PAICS: variants seen among roughly 807,000 people sequenced by gnomAD.
The protein encoded by PAICS is phosphoribosylaminoimidazole carboxylase and phosphoribosylaminoimidazolesuccinocarboxamide synthase, also known as bifunctional phosphoribosylaminoimidazole carboxylase/phosphoribosylaminoimidazole succinocarboxamide synthetase.
PAICS carries 33 observed loss-of-function variants against 53.7 expected under a neutral mutation model. The observed-to-expected ratio is 0.61, with a 90% confidence interval of 0.47 to 0.82. The LOEUF is 0.82. Among genes scored for constraint, PAICS ranks in the 40% least tolerant of loss-of-function variants. PAICS has a pLI of 0.00. For missense variants in PAICS, 394 were observed against 494.1 expected, an observed-to-expected ratio of 0.80 and a Z score of 1.92; for synonymous variants, 141 against 167.2, an observed-to-expected ratio of 0.84 and a Z score of 1.21.
At chr4:56,447,694 G>T (rs1718687070) in intron 3 of PAICS, among the ~76,000 whole-genome samples, 2 of 152,032 alleles carry the variant, frequency 1.3e-5, no homozygotes, top group South Asian at 2.1e-4. Context: ...GTTTATAGAG[G>T]TTAAATTCTT....
chr4:56,432,032 A>G (rs1218409167), upstream of PAICS, among the ~76,000 whole-genome samples: 1 of 152,246 alleles, frequency 6.6e-6, no homozygotes, highest in Non-Finnish European at 1.5e-5. Context: ...GGATGAACCC[A>G]TCTGGGTTAA....
chr4:56,424,127 T>C, the PAICS span, among the ~76,000 whole-genome samples: 2 of 152,202 alleles, frequency 1.3e-5, no homozygotes, highest in African/African-American at 4.8e-5. Flanking sequence ...AATAGCTCCA[T>C]ATTGTTAACT....
upstream of PAICS, chr4:56,435,540 T>C (rs1342932081): frequency 4.3e-6 from 7 of 1,609,594 alleles, no homozygotes; most frequent in Admixed American, 1.7e-5. Flanking sequence ...ACCAACCAGC[T>C]GCCAGCTCGG....
At chr4:56,421,858 G>C in the PAICS span, 5 of 152,252 alleles carry the variant, frequency 3.3e-5, no homozygotes, top group South Asian at 2.1e-4. Flanking sequence ...CTTAGTTAGA[G>C]ACTCAGATAC....
intron 8 of PAICS, among the ~76,000 whole-genome samples, chr4:56,458,778 C>T (rs988581898): frequency 6.6e-6 from 1 of 152,130 alleles, no homozygotes; most frequent in Non-Finnish European, 1.5e-5. Flanking sequence ...ATAGTACCAC[C>T]TCAAGACACT....
At chr4:56,436,073 T>G (rs2110075923), upstream of PAICS, 1 of 1,483,710 alleles carries the variant, frequency 6.7e-7, no homozygotes, top group Admixed American at 2.2e-5. Context: ...GGAGGCGGGG[T>G]CGCGTCTCTG....
At chr4:56,435,439 G>A, upstream of PAICS, 2 of 1,613,836 alleles carry the variant, frequency 1.2e-6, no homozygotes, top group Non-Finnish European at 1.7e-6. Context: ...ACCCGAACAC[G>A]CCACATTCCT....
chr4:56,451,743 G>T (rs1553942426), intron 6 of PAICS, 129 bp from the exon 7 acceptor site: 2 of 501,034 alleles, frequency 4.0e-6, no homozygotes, highest in Non-Finnish European at 7.0e-6. Context: ...TTTGTTGTTT[G>T]TCTCTGTCTT....
At chr4:56,430,643 C>T in the PAICS span, among the ~76,000 whole-genome samples, 7 of 151,400 alleles carry the variant, frequency 4.6e-5, no homozygotes. Context: ...TTTTCTATGT[C>T]TGGATATAAA....
the PAICS span, chr4:56,419,875 ACAAGATCGTAAGAACAGCT>A: frequency 3.0e-6 from 3 of 984,386 alleles, no homozygotes; most frequent in Non-Finnish European, 3.6e-6. Flanking sequence ...AAACACGAAT[ACAAGATCGTAAGAACAGCT>A]CAAGATCTAG....
upstream of PAICS, among the ~76,000 whole-genome samples, chr4:56,432,489 C>G (rs1357305032): frequency 3.4e-5 from 5 of 148,954 alleles, no homozygotes; most frequent in Non-Finnish European, 7.4e-5. Flanking sequence ...TCATACCACT[C>G]CACTCCAGCC....
chr4:56,413,678 C>T, the PAICS span, among the ~76,000 whole-genome samples: 2 of 151,832 alleles, frequency 1.3e-5, no homozygotes, highest in Admixed American at 1.3e-4. Flanking sequence ...GGTGGATCAC[C>T]TGAGGTCAGG....
chr4:56,424,577 A>G, the PAICS span, among the ~76,000 whole-genome samples: 1 of 152,246 alleles, frequency 6.6e-6, no homozygotes, highest in Non-Finnish European at 1.5e-5. Flanking sequence ...TATGTTAAGT[A>G]AAAAGAAGTG....
At chr4:56,417,525 T>C in the PAICS span, among the ~76,000 whole-genome samples, 1 of 152,308 alleles carries the variant, frequency 6.6e-6, no homozygotes, top group Non-Finnish European at 1.5e-5. Flanking sequence ...CTCACACCTG[T>C]AACCCCAGTA....
chr4:56,414,532 C>G, the PAICS span, among the ~76,000 whole-genome samples: 3,805 of 152,272 alleles, frequency 0.025, 80 homozygotes, highest in Non-Finnish European at 0.033. Flanking sequence ...ACAAATGTAT[C>G]GCAAGTAATG....
upstream of PAICS, among the ~76,000 whole-genome samples, chr4:56,434,795 C>G (rs1330025760): frequency 6.6e-6 from 1 of 152,238 alleles, no homozygotes; most frequent in Non-Finnish European, 1.5e-5. Context: ...AGTCATCTTT[C>G]CCTGGGTCTG....
chr4:56,441,998 A>G (rs1718369222), intron 2 of PAICS, 138 bp downstream of exon 2: 1 of 606,144 alleles, frequency 1.6e-6, no homozygotes, highest in Non-Finnish European at 2.9e-6. Flanking sequence ...CAAACCAAGA[A>G]CCCTTAAACT....
At chr4:56,434,039 A>C (rs1717759624), upstream of PAICS, among the ~76,000 whole-genome samples, 1 of 152,154 alleles carries the variant, frequency 6.6e-6, no homozygotes, top group African/African-American at 2.4e-5. Flanking sequence ...CTACCACATA[A>C]TCAAGAGTTT....
chr4:56,422,446 A>G, the PAICS span: 3 of 147,238 alleles, frequency 2.0e-5, no homozygotes, highest in Non-Finnish European at 4.5e-5. Context: ...AGGTCTTGAC[A>G]CACATAAAAT....
Sources: gnomAD v4.1 joint callset for allele counts (sites outside exome capture counted in the v4.1 genomes callset) on GRCh38, gnomAD v4.1.1 for gene constraint, MANE v1.5 for transcripts, NCBI Gene and HGNC (gene_info 2026-07-23, HGNC 2026-07-21) for gene names.